PRMT3: variants seen among roughly 807,000 people sequenced by gnomAD.
PRMT3 encodes protein arginine N-methyltransferase 3.
A neutral mutation model predicts 71.9 loss-of-function variants in PRMT3; 62 were observed. The observed-to-expected ratio is 0.86, with a 90% CI of 0.70 to 1.07. PRMT3 has a LOEUF of 1.07. PRMT3 is among the 50% of genes least tolerant of loss of function. PRMT3 has a pLI of 0.00. For missense variants in PRMT3, 663 were observed against 643.0 expected (o/e 1.03, Z -0.34); for synonymous variants, 213 against 220.4 (o/e 0.97, Z 0.30).
intron 6 of PRMT3, 147 bp from the exon 7 acceptor site, chr11:20,397,430 G>A (rs1848849734): frequency 2.7e-6 from 2 of 734,994 alleles, no homozygotes; most frequent in Non-Finnish European, 2.2e-6. Flanking sequence ...TCCAGCAGGG[G>A]GAGCTTTCAG....
intron 11 of PRMT3, 34 bp from the exon 12 acceptor site, chr11:20,461,946 A>G (rs773468060): frequency 1.4e-6 from 2 of 1,464,594 alleles, no homozygotes; most frequent in Admixed American, 2.1e-5. Context: ...AAAGGGAGAT[A>G]ATGCTTAATT....
chr11:20,421,934 A>G (rs1310963083), intron 9 of PRMT3, among the ~76,000 whole-genome samples: 1 of 152,166 alleles, frequency 6.6e-6, no homozygotes, highest in Admixed American at 6.5e-5. Flanking sequence ...TTCTATTGTT[A>G]TCATAAAGCC....
At chr11:20,487,085 G>A (rs2133443651) in intron 13 of PRMT3, among the ~76,000 whole-genome samples, 1 of 151,708 alleles carries the variant, frequency 6.6e-6, no homozygotes, top group Non-Finnish European at 1.5e-5. Context: ...GAAGAAGAAT[G>A]AAGCTGAAAT....
At chr11:20,489,043 C>T (rs1336292797) in intron 13 of PRMT3, among the ~76,000 whole-genome samples, 2 of 152,100 alleles carry the variant, frequency 1.3e-5, no homozygotes, top group South Asian at 2.1e-4. Context: ...AAGTAATTGT[C>T]GAGGATTCTC....
intron 5 of PRMT3, among the ~76,000 whole-genome samples, chr11:20,394,801 A>G (rs934641516): frequency 6.6e-6 from 1 of 152,090 alleles, no homozygotes; most frequent in Non-Finnish European, 1.5e-5. Flanking sequence ...TTAATTCCAC[A>G]CAAGAGTGAG....
chr11:20,442,336 T>C (rs761438149), intron 10 of PRMT3, among the ~76,000 whole-genome samples: 2 of 152,084 alleles, frequency 1.3e-5, no homozygotes, highest in African/African-American at 2.4e-5. Flanking sequence ...TTTTCCCTTG[T>C]TTAGTTTAAT....
intron 8 of PRMT3, among the ~76,000 whole-genome samples, chr11:20,404,211 G>GTTTTTGTTTT (rs1849013771): frequency 2.9e-5 from 1 of 34,332 alleles, no homozygotes; most frequent in African/African-American, 1.3e-4. Flanking sequence ...ACTTTTCATA[G>GTTTTTGTTTT]TTTTTTTTTT....
At chr11:20,397,873 TG>T in intron 7 of PRMT3, 152 bp downstream of exon 7, 1 of 774,334 alleles carries the variant, frequency 1.3e-6, no homozygotes, top group African/African-American at 1.8e-5. Context: ...TATCTCATCT[TG>T]GGTTGAAAAT....
chr11:20,483,197 T>C (rs1267392713), intron 13 of PRMT3, among the ~76,000 whole-genome samples: 1 of 152,138 alleles, frequency 6.6e-6, no homozygotes, highest in Non-Finnish European at 1.5e-5. Context: ...TTAGTTTTAA[T>C]ATTTTTCAGT....
chr11:20,440,184 A>G (rs1233793821), intron 10 of PRMT3, among the ~76,000 whole-genome samples: 1 of 152,248 alleles, frequency 6.6e-6, no homozygotes, highest in East Asian at 1.9e-4. Flanking sequence ...TTTCTTAGTC[A>G]AAACCCCCAA....
chr11:20,404,221 T>G (rs376022523), intron 8 of PRMT3, among the ~76,000 whole-genome samples: 315 of 7,752 alleles, frequency 0.041, 2 homozygotes, highest in African/African-American at 0.05. Context: ...GTTTTTTTTT[T>G]TTTTTTTTTT....
chr11:20,417,870 CT>C (rs779843218), intron 9 of PRMT3, among the ~76,000 whole-genome samples: 53 of 152,072 alleles, frequency 3.5e-4, no homozygotes, highest in Non-Finnish European at 6.6e-4. Context: ...ATGCTGTGTC[CT>C]TTCCTGGCTA....
chr11:20,422,798 A>T (rs1469020785), intron 9 of PRMT3, among the ~76,000 whole-genome samples: 1 of 152,208 alleles, frequency 6.6e-6, no homozygotes, highest in Non-Finnish European at 1.5e-5. Context: ...TAATTACCCG[A>T]TATTACCAAG....
chr11:20,474,699 G>A (rs932869842), intron 13 of PRMT3, among the ~76,000 whole-genome samples: 5 of 152,176 alleles, frequency 3.3e-5, no homozygotes, highest in Non-Finnish European at 7.3e-5. Context: ...CTTTGGCTTC[G>A]TGCTGTTAGA....
chr11:20,432,952 T>C (rs1849685830), intron 10 of PRMT3, among the ~76,000 whole-genome samples: 1 of 152,216 alleles, frequency 6.6e-6, no homozygotes, highest in Non-Finnish European at 1.5e-5. Flanking sequence ...AATCTCTTAC[T>C]GGATAAATAA....
chr11:20,434,240 A>C (rs974995524), intron 10 of PRMT3, among the ~76,000 whole-genome samples: 7 of 151,928 alleles, frequency 4.6e-5, no homozygotes, highest in Non-Finnish European at 4.4e-5. Context: ...TTTTTGTATA[A>C]ATTTGTTTAA....
At chr11:20,474,091 T>C (rs1043271206) in intron 13 of PRMT3, among the ~76,000 whole-genome samples, 7 of 152,246 alleles carry the variant, frequency 4.6e-5, no homozygotes, top group Admixed American at 4.6e-4. Flanking sequence ...TACTGACCTG[T>C]TCCCAGCCTG....
At chr11:20,489,406 A>T (rs1299470157) in intron 13 of PRMT3, among the ~76,000 whole-genome samples, 2 of 152,154 alleles carry the variant, frequency 1.3e-5, no homozygotes, top group African/African-American at 4.8e-5. Context: ...GACCTCTCTG[A>T]TCTTTTACGA....
At chr11:20,479,247 T>C (rs1021692578) in intron 13 of PRMT3, among the ~76,000 whole-genome samples, 22 of 152,154 alleles carry the variant, frequency 1.4e-4, no homozygotes, top group Admixed American at 1.3e-3. Flanking sequence ...GGTGCGAACA[T>C]TTAAATCTCT....
Sources: allele counts gnomAD v4.1 joint callset (sites outside exome capture counted in the v4.1 genomes callset), GRCh38; gene constraint gnomAD v4.1.1; transcripts MANE v1.5; gene names NCBI Gene and HGNC (gene_info 2026-07-23, HGNC 2026-07-21).